ST7: variants seen among roughly 807,000 people sequenced by gnomAD.
The protein encoded by ST7 is suppressor of tumorigenicity 7 protein.
ST7 carries 28 observed loss-of-function variants against 78.7 expected under a neutral mutation model. The observed-to-expected ratio is 0.36, with a 90% confidence interval of 0.26 to 0.49. ST7 has a LOEUF of 0.49. Among genes scored for constraint, ST7 ranks in the 20% least tolerant of loss-of-function variants. The pLI is 0.99. For missense variants in ST7, 418 were observed against 696.0 expected (o/e 0.60, Z 4.49); for synonymous variants, 247 against 249.6 (o/e 0.99, Z 0.10).
At chr7:116,959,718 T>G (rs1467414656) in intron 1 of ST7, 1 of 152,314 alleles carries the variant, frequency 6.6e-6, no homozygotes, top group African/African-American at 2.4e-5. Context: ...TTGATTAATG[T>G]CAGCTTTGAG....
chr7:117,185,854 C>T lies in ST7; in HGVS notation c.1079-3467C>T, dbSNP rs935446086. On this transcript the variant is annotated intron_variant, in intron 10 of 15. Coordinates refer to ENST00000323984, the MANE Select transcript of ST7 (RefSeq NM_001369598.1). ...AGGAGAATCGCTTGAACCCAAGAGGCGGAGGTTGCAGTTAGCTGAGATCGT... is the reference window on the plus strand; with the variant it reads ...AGGAGAATCGCTTGAACCCAAGAGGTGGAGGTTGCAGTTAGCTGAGATCGT... 1.1e-4 allele frequency among the ~76,000 whole-genome samples: 16 copies of T among 152,054 alleles called. 1 individual carries two copies. The highest frequency in any genetic ancestry group is 9.2e-4 in the Admixed American group (14 of 15,268).
intron 1 of ST7, among the ~76,000 whole-genome samples, chr7:117,005,203 A>G (rs1795106919): frequency 6.6e-6 from 1 of 152,166 alleles, no homozygotes; most frequent in Admixed American, 6.5e-5. Context: ...TGTATTTGTC[A>G]ATATTTTATA....
intron 1 of ST7, among the ~76,000 whole-genome samples, chr7:117,057,128 T>C (rs996670301): frequency 1.3e-4 from 20 of 152,330 alleles, no homozygotes; most frequent in South Asian, 1.2e-3. Context: ...AGGTAGACTA[T>C]TTAAAATGTA....
chr7:117,106,910 G>A (rs1217569482), intron 2 of ST7, among the ~76,000 whole-genome samples: 1 of 152,122 alleles, frequency 6.6e-6, no homozygotes, highest in African/African-American at 2.4e-5. Context: ...GTGAGCCACT[G>A]TGCCTGGCCC....
At chr7:117,071,681 G>T (rs1798971327) in intron 1 of ST7, among the ~76,000 whole-genome samples, 1 of 152,204 alleles carries the variant, frequency 6.6e-6, no homozygotes, top group Admixed American at 6.5e-5. Flanking sequence ...GAGGAGTGCG[G>T]TAACTCAGTT....
intron 10 of ST7, among the ~76,000 whole-genome samples, chr7:117,179,481 G>T (rs1275636697): frequency 4.6e-5 from 7 of 152,216 alleles, no homozygotes; most frequent in Non-Finnish European, 8.8e-5. Context: ...CAGGATGGAA[G>T]GGGCACTGCA....
At chr7:117,064,943 A>G (rs1360355428) in intron 1 of ST7, among the ~76,000 whole-genome samples, 2 of 152,150 alleles carry the variant, frequency 1.3e-5, no homozygotes, top group Non-Finnish European at 2.9e-5. Context: ...TTAAAGGGGG[A>G]AAAATGACTA....
At chr7:117,131,834 A>G in intron 5 of ST7, 51 bp from the exon 6 acceptor site, 2 of 1,479,988 alleles carry the variant, frequency 1.4e-6, no homozygotes, top group Non-Finnish European at 1.9e-6. Flanking sequence ...TACTGAGTCT[A>G]CCTAATTATA....
intron 1 of ST7, among the ~76,000 whole-genome samples, chr7:117,074,404 A>G (rs1462249830): frequency 6.6e-6 from 1 of 152,188 alleles, no homozygotes; most frequent in African/African-American, 2.4e-5. Context: ...AACGAAAAAC[A>G]AAAACAAGCT....
intron 1 of ST7, among the ~76,000 whole-genome samples, chr7:116,961,555 C>CGTGTGTGT (rs35640208): frequency 0.037 from 5,138 of 138,434 alleles, 98 homozygotes; most frequent in Middle Eastern, 0.046. Flanking sequence ...TGTATTCCTA[C>CGTGTGTGT]GTGTGTGTGT....
intron 12 of ST7, among the ~76,000 whole-genome samples, chr7:117,192,129 C>A (rs555659251): frequency 6.6e-6 from 1 of 152,236 alleles, no homozygotes; most frequent in Non-Finnish European, 1.5e-5. Context: ...GGTGCTATAA[C>A]TATATCTCCT....
chr7:117,087,079 A>C (rs2116657746), intron 1 of ST7, among the ~76,000 whole-genome samples: 1 of 152,284 alleles, frequency 6.6e-6, no homozygotes, highest in South Asian at 2.1e-4. Context: ...CTCAGAAGAG[A>C]AGTACATTAG....
chr7:117,039,168 T>C (rs1797073935), intron 1 of ST7, among the ~76,000 whole-genome samples: 1 of 152,190 alleles, frequency 6.6e-6, no homozygotes, highest in Non-Finnish European at 1.5e-5. Context: ...ACCATGCTTT[T>C]TTCCTTAGGA....
intron 1 of ST7, among the ~76,000 whole-genome samples, chr7:116,987,249 G>A (rs1381131000): frequency 6.6e-6 from 1 of 152,188 alleles, no homozygotes; most frequent in Non-Finnish European, 1.5e-5. Context: ...CCATCAAAAT[G>A]GGCTGGGTAT....
chr7:117,200,230 TG>T (rs1483079092), intron 12 of ST7, among the ~76,000 whole-genome samples: 2 of 152,228 alleles, frequency 1.3e-5, no homozygotes, highest in Non-Finnish European at 2.9e-5. Context: ...AGGCCTGCTC[TG>T]GTTGAAACTG....
intron 1 of ST7, among the ~76,000 whole-genome samples, chr7:116,988,270 A>G (rs1794271592): frequency 6.6e-6 from 1 of 152,168 alleles, no homozygotes; most frequent in South Asian, 2.1e-4. Flanking sequence ...GTTTACGTGG[A>G]TCTCTTTGGA....
At chr7:117,127,432 G>A (rs1803944721) in intron 3 of ST7, among the ~76,000 whole-genome samples, 1 of 151,786 alleles carries the variant, frequency 6.6e-6, no homozygotes, top group Admixed American at 6.6e-5. Context: ...ACATAGCTGT[G>A]GCCTAATTTT....
chr7:117,135,825 G>A (rs1035033634), intron 7 of ST7, among the ~76,000 whole-genome samples: 2 of 152,044 alleles, frequency 1.3e-5, no homozygotes, highest in African/African-American at 2.4e-5. Flanking sequence ...TGCCCAAAGT[G>A]ACACACTAAT....
intron 3 of ST7, among the ~76,000 whole-genome samples, chr7:117,120,207 G>T (rs1482093831): frequency 1.3e-5 from 2 of 152,128 alleles, no homozygotes; most frequent in African/African-American, 4.8e-5. Context: ...TGGGACTACG[G>T]GTGTGAGCCA....
Sources: gnomAD v4.1 joint callset for allele counts (sites outside exome capture counted in the v4.1 genomes callset) on GRCh38, gnomAD v4.1.1 for gene constraint, MANE v1.5 for transcripts, NCBI Gene and HGNC (gene_info 2026-07-23, HGNC 2026-07-21) for gene names.